Variants in ATP8B2 observed in about 807,000 individuals in gnomAD.
The protein encoded by ATP8B2 is ATPase phospholipid transporting 8B2, also known as phospholipid-transporting ATPase ID.
Under a neutral mutation model 133.4 loss-of-function variants are expected in ATP8B2, and 70 were observed. That is an observed-to-expected ratio of 0.52 (90% confidence interval 0.43 to 0.64). The LOEUF is 0.64. ATP8B2 is among the 30% of genes least tolerant of loss of function. The pLI, the probability that ATP8B2 is intolerant of heterozygous loss-of-function variation, is 0.00. For missense variants in ATP8B2, 1,101 were observed against 1,535.7 expected, an observed-to-expected ratio of 0.72 and a Z score of 4.73; for synonymous variants, 517 against 589.5, an observed-to-expected ratio of 0.88 and a Z score of 1.78.
Position 154,348,651 on chromosome 1 carries a change from T to C in ATP8B2, c.3294+113T>C, listed in dbSNP as rs145437111. The stretch of plus-strand genomic sequence containing the variant: ...TGTGGCTGTTCAGTGTGTTGGTGCT[T>C]ATCTGTTCTTCCTGGGGACAGACAC... On this transcript the variant is annotated intron_variant, in intron 27 of 27. Coordinates refer to ENST00000368489, the MANE Select transcript of ATP8B2 (RefSeq NM_001370597.1). 1.1e-3 allele frequency: 1,554 copies of C among 1,476,444 alleles called. 19 individuals carry two copies. In the African/African-American group the frequency reaches 0.019, roughly 18 times the overall value. The allele number at this position is 1,476,444 out of a possible 1,614,324, so 91.5% of individuals were successfully genotyped here.
At chr1:154,338,119 G>A (rs555273384) in intron 12 of ATP8B2, among the ~76,000 whole-genome samples, 1 of 152,330 alleles carries the variant, frequency 6.6e-6, no homozygotes, top group East Asian at 1.9e-4. Flanking sequence ...AAGCAGGTAG[G>A]CAGAGAGGGA....
intron 3 of ATP8B2, 103 bp from the exon 4 acceptor site, chr1:154,330,712 T>G: frequency 2.0e-6 from 2 of 996,680 alleles, no homozygotes; most frequent in East Asian, 2.4e-5. Flanking sequence ...TGCTAGCTTT[T>G]GGGGTAGAGG....
At position 154,343,950 on chromosome 1, in the gene ATP8B2, G is replaced by T. The variant is rs1324497298; in HGVS notation, c.1816G>T (p.Glu606Ter). ...GCTGGCCTACAAGGATCTGGATGAAGAGTACTACGAGGAGTGGGCTGAGCG... is the reference window on the plus strand; with the variant it reads ...GCTGGCCTACAAGGATCTGGATGAATAGTACTACGAGGAGTGGGCTGAGCG... ...LVLAYKDLDE[E>*]YYEEWAERRL... The change falls in exon 18 of 28, where the codon GAG becomes TAG. Residue 606 changes from glutamate to a stop codon, truncating the protein, a stop_gained. Transcript: ENST00000368489. LOFTEE classifies it high-confidence loss of function. This position sits in a 1 kb window ranked among gnomAD's most constrained non-coding sequence, Gnocchi z 5.8. The T allele has an allele frequency of 6.2e-7, 1 of 1,614,112 alleles. No homozygotes were observed.
At chr1:154,326,843 C>G (rs1685808435) in intron 1 of ATP8B2, among the ~76,000 whole-genome samples, 1 of 152,204 alleles carries the variant, frequency 6.6e-6, no homozygotes, top group Non-Finnish European at 1.5e-5. Flanking sequence ...TTTAACCTCT[C>G]CCTGTGCTCC....
Position 154,344,443 on chromosome 1 carries a change from T to A in ATP8B2, c.2084T>A (p.Met695Lys). 1 of 1,614,156 alleles carries A rather than the reference T, an allele frequency of 6.2e-7. No homozygotes were observed. Among genetic ancestry groups the A allele is most frequent in the South Asian group, 1.1e-5 (1 of 91,078 alleles). Residue 695 changes from methionine to lysine, a missense_variant, in exon 20 of 28, where the codon ATG becomes AAG. Met to Lys is a moderately conservative substitution (Grantham distance 95, BLOSUM62 -1). Coordinates refer to ENST00000368489, the MANE Select transcript of ATP8B2 (RefSeq NM_001370597.1). This position sits in a 1 kb window ranked among gnomAD's most constrained non-coding sequence, Gnocchi z 4.1. ...GYSCKMLTDDMTEVFIVTGHT... is the reference protein window; with the variant it reads ...GYSCKMLTDDKTEVFIVTGHT... ...TCCTGCAAGATGCTGACGGATGACA[T>A]GACTGAGGTTTTCATAGTCACTGGC... is the stretch of plus-strand genomic sequence containing the variant.
chr1:154,342,807 T>C lies in ATP8B2; in HGVS notation c.1299T>C (p.Pro433=). 1 of 1,614,190 alleles carries C rather than the reference T, an allele frequency of 6.2e-7. No homozygotes were observed. The highest frequency in any genetic ancestry group is 8.5e-7 in the Non-Finnish European group (1 of 1,180,024). ...HKAELGERPE[P]VDFSFNPLAD... ...CTTATGTGTTTCAGAGGCCTGAACC[T>C]GTTGACTTCTCCTTCAATCCTCTGG... Residue 433 remains proline, a synonymous_variant, in exon 15 of 28, where the codon CCT becomes CCC. Coordinates refer to ENST00000368489, the MANE Select transcript of ATP8B2 (RefSeq NM_001370597.1).
At chr1:154,341,089 G>A (rs750433595) in intron 13 of ATP8B2, 27 bp downstream of exon 13, 5 of 1,611,690 alleles carry the variant, frequency 3.1e-6, no homozygotes, top group South Asian at 1.1e-5. Flanking sequence ...GGGGACTGGG[G>A]GCTTGCACCT....
chr1:154,347,104 G>C (rs1377653186), intron 26 of ATP8B2, among the ~76,000 whole-genome samples: 1 of 152,110 alleles, frequency 6.6e-6, no homozygotes, highest in Non-Finnish European at 1.5e-5. Context: ...TGGCCAGGCT[G>C]GTCTTGAACT....
Position 154,346,497 on chromosome 1 carries a change from TC to T in ATP8B2, c.3024+25del. 6.2e-7 allele frequency: 1 copy of T among 1,605,800 alleles called. No individual in the cohort carries two copies. The highest frequency in any genetic ancestry group is 8.5e-7 in the Non-Finnish European group (1 of 1,174,544). ...TGCAGGTATGAGGCCATCCAGGAAC[TC>T]CCCTCTTCTCTGGAAGGAGTGAGCC... On this transcript the variant is annotated intron_variant, in intron 25 of 27. Transcript: ENST00000368489. The surrounding 1 kb of genome is among the most constrained non-coding windows in gnomAD (Gnocchi z 4.5).
rs147222396 is a variant in ATP8B2 at position 154,341,750 on chromosome 1, G to A, written c.1243+688G>A. ...GGAGGTTACAGTGAGCCGAGTTTGC[G>A]CCATTGTACTCCAGCCTGGGCGACA... On this transcript the variant is annotated intron_variant, in intron 13 of 27. Coordinates refer to ENST00000368489, the MANE Select transcript of ATP8B2 (RefSeq NM_001370597.1). 4.1e-3 allele frequency: 601 copies of A among 147,988 alleles called. 1 individual carries two copies. Among genetic ancestry groups the A allele is most frequent in the Non-Finnish European group, 7.2e-3 (487 of 67,754 alleles). 9.2% of individuals were successfully genotyped at this position (147,988 alleles called of 1,614,324 possible).
Position 154,334,195 on chromosome 1 carries a change from C to T in ATP8B2, c.678C>T (p.Asn226=), listed in dbSNP as rs758591309. 1.3e-5 allele frequency: 21 copies of T among 1,614,086 alleles called. No homozygotes were observed. The highest frequency in any genetic ancestry group is 4.0e-5 in the African/African-American group (3 of 74,924). Residue 226 remains asparagine (N), a synonymous_variant, in exon 10 of 28, where the codon AAC becomes AAT. Coordinates refer to ENST00000368489, the MANE Select transcript of ATP8B2 (RefSeq NM_001370597.1). The surrounding 1 kb of genome is among the most constrained non-coding windows in gnomAD (Gnocchi z 4.6). ...YWKENKFPLS[N]QNMLLRGCVL... is the part of the protein sequence containing the mutation. ...AGGAAAATAAGTTCCCTCTGAGCAA[C>T]CAGAACATGCTGCTGCGGGGCTGTG...
Position 154,337,574 on chromosome 1 carries a change from C to G in ATP8B2, c.1034+30C>G, listed in dbSNP as rs372285298. On this transcript the variant is annotated intron_variant, in intron 12 of 27. Coordinates refer to ENST00000368489, the MANE Select transcript of ATP8B2 (RefSeq NM_001370597.1). ...GTGCCTTCTCTGACCTGGGGTCTCT[C>G]CAGGGAGTCAGGCGGTCCCATAGAA... 3.4e-5 allele frequency: 55 copies of G among 1,614,032 alleles called. 1 individual carries two copies. Among genetic ancestry groups the G allele is most frequent in the East Asian group, 1.1e-4 (5 of 44,888 alleles).
At chr1:154,342,590 C>T (rs1193412699) in intron 14 of ATP8B2, 67 bp downstream of exon 14, 1 of 1,532,416 alleles carries the variant, frequency 6.5e-7, no homozygotes, top group Admixed American at 1.7e-5. Flanking sequence ...ACAGTGTAGT[C>T]AGGAGTGATG....
At position 154,340,924 on chromosome 1, in the gene ATP8B2, C is replaced by T. The variant is rs1405238017; in HGVS notation, c.1105C>T (p.Arg369Trp). The T allele has an allele frequency of 9.3e-6, 15 of 1,614,042 alleles. No individual in the cohort carries two copies. Among genetic ancestry groups the T allele is most frequent in the African/African-American group, 5.3e-5 (4 of 74,912 alleles). The change falls in exon 13 of 28, where the codon CGG (arginine) becomes TGG (tryptophan). Residue 369 changes from arginine (R) to tryptophan (W), a missense_variant. Physicochemically the swap from Arg to Trp is moderately radical, Grantham distance 101. Coordinates refer to ENST00000368489, the MANE Select transcript of ATP8B2 (RefSeq NM_001370597.1). The surrounding 1 kb of genome is among the most constrained non-coding windows in gnomAD (Gnocchi z 4.0). ...TAAGAAGATGTTCTGCATGAAGAAGCGGACGCCTGCAGAAGCCCGCACCAC... is the reference window on the plus strand; with the variant it reads ...TAAGAAGATGTTCTGCATGAAGAAGTGGACGCCTGCAGAAGCCCGCACCAC... ...WDKKMFCMKK[R>W]TPAEARTTTL...
chr1:154,334,671 TG>T lies in ATP8B2; in HGVS notation c.837+82del. ...TCCTTTTCCTTTCCTCTTTCTTCTT[TG>T]GTCAGTAGACTTCAGGTTTGGCTTT... is the stretch of plus-strand genomic sequence containing the variant. On this transcript the variant is annotated intron_variant, in intron 11 of 27. Coordinates refer to ENST00000368489, the MANE Select transcript of ATP8B2 (RefSeq NM_001370597.1). The surrounding 1 kb of genome is among the most constrained non-coding windows in gnomAD (Gnocchi z 4.6). 7.9e-7 allele frequency: 1 copy of T among 1,265,886 alleles called. No individual in the cohort carries two copies. The highest frequency in any genetic ancestry group is 1.3e-5 in the South Asian group (1 of 78,152). The allele number at this position is 1,265,886 out of a possible 1,614,324, so 78.4% of individuals were successfully genotyped here.
intron 26 of ATP8B2, 54 bp from the exon 27 acceptor site, chr1:154,348,354 C>G: frequency 9.7e-6 from 15 of 1,549,790 alleles, no homozygotes; most frequent in Non-Finnish European, 1.3e-5. Context: ...GAAATGGGAA[C>G]GGGGAATGTC....
At chr1:154,329,216 T>C in intron 2 of ATP8B2, 1 of 789,080 alleles carries the variant, frequency 1.3e-6, no homozygotes, top group Non-Finnish European at 1.7e-6. Context: ...AAGGATCCAG[T>C]CCCTACCTTC....
At chr1:154,341,091 C>T in intron 13 of ATP8B2, 29 bp downstream of exon 13, 1 of 1,610,672 alleles carries the variant, frequency 6.2e-7, no homozygotes, top group Non-Finnish European at 8.5e-7. Context: ...GGACTGGGGG[C>T]TTGCACCTCG....
chr1:154,339,402 G>A (rs1302259465), intron 12 of ATP8B2, among the ~76,000 whole-genome samples: 1 of 152,204 alleles, frequency 6.6e-6, no homozygotes, highest in African/African-American at 2.4e-5. Context: ...CTTGATATAA[G>A]ATATTGGCTT....
Sources: gnomAD v4.1 joint callset for allele counts (sites outside exome capture counted in the v4.1 genomes callset) on GRCh38, gnomAD v4.1.1 for gene constraint, Gnocchi (gnomAD v3.1) non-coding constraint, MANE v1.5 for transcripts, NCBI Gene and HGNC (gene_info 2026-07-23, HGNC 2026-07-21) for gene names.